FER1L6: variants seen among roughly 807,000 people sequenced by gnomAD.
FER1L6 encodes fer-1-like protein 6.
In FER1L6, 177 loss-of-function variants were observed where a neutral mutation model predicts 219.2. The observed-to-expected ratio is 0.81, with a 90% CI of 0.71 to 0.91. The LOEUF is 0.91. Among genes scored for constraint, FER1L6 ranks in the 40% least tolerant of loss-of-function variants. The pLI is 0.00. For synonymous variants in FER1L6, 768 were observed against 824.3 expected (o/e 0.93, Z 1.17); for missense variants, 2,153 against 2,259.9 (o/e 0.95, Z 0.96).
chr8:123,887,364 C>G (rs1222722820), intron 1 of FER1L6, among the ~76,000 whole-genome samples: 3 of 152,170 alleles, frequency 2.0e-5, no homozygotes, highest in African/African-American at 7.2e-5. Context: ...TTGGTTCCCT[C>G]CTGGCTCGGT....
chr8:123,875,398 C>T lies in FER1L6; in HGVS notation c.-8+23213C>T, dbSNP rs150788325. Among the ~76,000 whole-genome samples, 640 of 152,236 alleles carry T rather than the reference C, an allele frequency of 4.2e-3. 2 individuals are homozygous for T. Among genetic ancestry groups the T allele is most frequent in the Non-Finnish European group, 6.3e-3 (426 of 68,016 alleles). On this transcript the variant is annotated intron_variant, in intron 1 of 40. Transcript: ENST00000522917. ...ATCTATTCTCCTTTGATCTCAGCACCACTTTTTCTCAGTCTCCTTTTCAAC... is the reference window on the plus strand; with the variant it reads ...ATCTATTCTCCTTTGATCTCAGCACTACTTTTTCTCAGTCTCCTTTTCAAC...
At chr8:123,917,412 C>T (rs1005690402) in intron 1 of FER1L6, among the ~76,000 whole-genome samples, 5 of 152,224 alleles carry the variant, frequency 3.3e-5, no homozygotes, top group African/African-American at 4.8e-5. Flanking sequence ...TGGGACATTG[C>T]TGTGCACTCT....
chr8:124,107,453 CA>C (rs1050706943), intron 39 of FER1L6, among the ~76,000 whole-genome samples: 2 of 152,126 alleles, frequency 1.3e-5, no homozygotes, highest in Non-Finnish European at 2.9e-5. Context: ...ATAGATTACA[CA>C]GTGGCGAATG....
chr8:124,065,276 C>T (rs964055706), intron 26 of FER1L6, among the ~76,000 whole-genome samples: 5 of 151,564 alleles, frequency 3.3e-5, no homozygotes, highest in Non-Finnish European at 7.4e-5. Flanking sequence ...TGGCACTCAC[C>T]TGTAATCCCA....
chr8:123,879,204 G>A (rs773460416), intron 1 of FER1L6, among the ~76,000 whole-genome samples: 1 of 152,192 alleles, frequency 6.6e-6, no homozygotes, highest in African/African-American at 2.4e-5. Context: ...TCCAGAGGCT[G>A]AAGCGGGAAG....
chr8:124,028,461 G>A (rs1818807394), intron 18 of FER1L6, among the ~76,000 whole-genome samples: 1 of 151,056 alleles, frequency 6.6e-6, no homozygotes, highest in South Asian at 2.1e-4. Context: ...AGCAAAGGCT[G>A]CACCAGGGAC....
intron 39 of FER1L6, among the ~76,000 whole-genome samples, chr8:124,112,807 C>T (rs937394591): frequency 6.6e-6 from 1 of 152,022 alleles, no homozygotes; most frequent in African/African-American, 2.4e-5. Context: ...GTAGATAGAT[C>T]ATTTAAATAG....
At chr8:123,883,902 C>G (rs190057672) in intron 1 of FER1L6, among the ~76,000 whole-genome samples, 1 of 152,210 alleles carries the variant, frequency 6.6e-6, no homozygotes, top group Admixed American at 6.5e-5. Context: ...TAATACTTCA[C>G]GTTACAATAC....
At chr8:123,980,036 T>C (rs1816251803) in intron 10 of FER1L6, among the ~76,000 whole-genome samples, 1 of 152,208 alleles carries the variant, frequency 6.6e-6, no homozygotes, top group South Asian at 2.1e-4. Context: ...CATCAGCCTG[T>C]TACTTTTTCT....
chr8:123,989,504 C>A (rs1475875592), intron 12 of FER1L6, among the ~76,000 whole-genome samples: 2 of 152,098 alleles, frequency 1.3e-5, no homozygotes, highest in Non-Finnish European at 2.9e-5. Flanking sequence ...TTTTACTGCA[C>A]CTGTCACCCA....
rs573548634 is a variant in FER1L6 at position 123,857,828 on chromosome 8, G to A, written c.-8+5643G>A. ...GAGGTTCTACCCTGTTCCTACTGCC[G>A]GAATTTTCTGGACAAAAAGCAGAAA... On this transcript the variant is annotated intron_variant, in intron 1 of 40. Transcript: ENST00000522917. 3.9e-5 allele frequency among the ~76,000 whole-genome samples: 6 copies of A among 152,258 alleles called. No individual in the cohort carries two copies. In the East Asian group the frequency reaches 7.7e-4, roughly 20 times the overall value.
chr8:123,931,856 A>G (rs1243082622), intron 1 of FER1L6, among the ~76,000 whole-genome samples: 2 of 152,248 alleles, frequency 1.3e-5, no homozygotes, highest in African/African-American at 4.8e-5. Context: ...GGTATAAGCC[A>G]TAATTTTAGG....
At chr8:124,015,304 A>G (rs1307465493) in intron 15 of FER1L6, among the ~76,000 whole-genome samples, 1 of 152,104 alleles carries the variant, frequency 6.6e-6, no homozygotes, top group African/African-American at 2.4e-5. Context: ...GAGCCATCTT[A>G]GAGGCTGCTG....
chr8:123,871,135 G>A (rs920057555), intron 1 of FER1L6, among the ~76,000 whole-genome samples: 1 of 152,190 alleles, frequency 6.6e-6, no homozygotes, highest in Admixed American at 6.5e-5. Context: ...TTTGGTAACG[G>A]ATTAGAGTTG....
intron 15 of FER1L6, among the ~76,000 whole-genome samples, chr8:124,015,088 C>G (rs1459344317): frequency 6.6e-6 from 1 of 152,194 alleles, no homozygotes; most frequent in South Asian, 2.1e-4. Flanking sequence ...CCTCTCATGA[C>G]AGAGCAGCTG....
intron 34 of FER1L6, 99 bp from the exon 35 acceptor site, chr8:124,094,797 T>G: frequency 7.3e-7 from 1 of 1,372,862 alleles, no homozygotes; most frequent in Non-Finnish European, 1.0e-6. Context: ...CCTTGGTACA[T>G]TTAAATAAGC....
At chr8:123,858,249 A>T (rs1352349405) in intron 1 of FER1L6, among the ~76,000 whole-genome samples, 1 of 152,230 alleles carries the variant, frequency 6.6e-6, no homozygotes, top group African/African-American at 2.4e-5. Context: ...ACAGTTCTGG[A>T]GATGGCGTCT....
intron 12 of FER1L6, among the ~76,000 whole-genome samples, chr8:123,995,886 T>G (rs1176973782): frequency 6.6e-6 from 1 of 152,162 alleles, no homozygotes; most frequent in Non-Finnish European, 1.5e-5. Context: ...TTTCAAGAAA[T>G]TTTTAAATTT....
intron 1 of FER1L6, among the ~76,000 whole-genome samples, chr8:123,869,748 G>A (rs1816895482): frequency 6.6e-6 from 1 of 152,188 alleles, no homozygotes; most frequent in South Asian, 2.1e-4. Flanking sequence ...ATACTGAAGA[G>A]AAGCAAAGTT....
Sources: gnomAD v4.1 joint callset for allele counts (sites outside exome capture counted in the v4.1 genomes callset) on GRCh38, gnomAD v4.1.1 for gene constraint, MANE v1.5 for transcripts, NCBI Gene and HGNC (gene_info 2026-07-23, HGNC 2026-07-21) for gene names.